Variants in TRIB2 observed in about 807,000 individuals in gnomAD.
TRIB2 encodes the protein tribbles pseudokinase 2.
A neutral mutation model predicts 26.8 loss-of-function variants in TRIB2; 2 were observed. The ratio of observed to expected loss-of-function variants is 0.07; its 90% CI spans 0.03 to 0.24. The LOEUF (loss-of-function observed/expected upper bound fraction) is 0.24. Ranked by LOEUF, TRIB2 falls within the 10% of genes least tolerant of loss-of-function variation. The pLI, the probability that TRIB2 is intolerant of heterozygous loss-of-function variation, is 1.00. For missense variants in TRIB2, 306 were observed against 449.0 expected, an observed-to-expected ratio of 0.68 and a Z score of 2.88; for synonymous variants, 189 against 187.3, an observed-to-expected ratio of 1.01 and a Z score of -0.08.
chr2:12,738,228 G>T (rs62126067), intron 2 of TRIB2, among the ~76,000 whole-genome samples: 15,120 of 152,198 alleles, frequency 0.099, 815 homozygotes, highest in African/African-American at 0.14. Context: ...GAAAGGCTAA[G>T]ACCTTCAGGC....
intron 2 of TRIB2, among the ~76,000 whole-genome samples, chr2:12,731,565 C>A (rs188729291): frequency 6.6e-6 from 1 of 152,122 alleles, no homozygotes. Flanking sequence ...GGGTTTAAAC[C>A]CGACACTTTT....
chr2:12,740,945 TG>T lies in TRIB2; in HGVS notation c.*152del. The T allele has an allele frequency of 1.4e-6, 1 of 734,876 alleles. No individual in the cohort carries two copies. The highest frequency in any genetic ancestry group is 2.7e-5 in the East Asian group (1 of 36,904). The allele number at this position is 734,876 out of a possible 1,614,324, so 45.5% of individuals were successfully genotyped here. On this transcript the variant is annotated 3_prime_UTR_variant, in exon 3 of 3. Transcript: ENST00000155926. This position sits in a 1 kb window ranked among gnomAD's most constrained non-coding sequence, Gnocchi z 5.8. ...CAGAGCAGGAAAACCTTCAAGGAGCTGACTGACCACGTAGCATGGGGGCAAG... is the reference window on the plus strand; with the variant it reads ...CAGAGCAGGAAAACCTTCAAGGAGCTACTGACCACGTAGCATGGGGGCAAG...
At position 12,716,954 on chromosome 2, in the gene TRIB2, G is replaced by A. The variant is rs1291620800; in HGVS notation, c.-1354G>A. 6.5e-6 allele frequency: 1 copy of A among 154,180 alleles called. No individual in the cohort carries two copies. The highest frequency in any genetic ancestry group is 2.4e-5 in the African/African-American group (1 of 41,108). 9.6% of individuals were successfully genotyped at this position (154,180 alleles called of 1,614,324 possible). On this transcript the variant is annotated 5_prime_UTR_variant, in exon 1 of 3. Coordinates refer to ENST00000155926, the MANE Select transcript of TRIB2 (RefSeq NM_021643.4). ...GAATGGGGAGACCGAGCGCGAGCGA[G>A]GCGCGCGCGCGCACACGCGCACTCA... is the stretch of plus-strand genomic sequence containing the variant.
At chr2:12,736,180 G>T (rs995576177) in intron 2 of TRIB2, among the ~76,000 whole-genome samples, 1 of 152,110 alleles carries the variant, frequency 6.6e-6, no homozygotes, top group African/African-American at 2.4e-5. Context: ...ATGGAAAAGG[G>T]CCTCAGATTT....
At position 12,723,254 on chromosome 2, in the gene TRIB2, T is replaced by C. The variant is rs1393907147; in HGVS notation, c.271-6T>C. The C allele has an allele frequency of 2.5e-6, 4 of 1,610,240 alleles. No homozygotes were observed. The highest frequency in any genetic ancestry group is 3.4e-6 in the Non-Finnish European group (4 of 1,179,082). On this transcript the variant is annotated splice_polypyrimidine_tract_variant and splice_region_variant and intron_variant, in intron 1 of 2. Transcript: ENST00000155926. ...GACTTTGGTCTTACTGTTAATCCTGTCGTAGGTGTTTGATATCAGCTGCTA... is the reference window on the plus strand; with the variant it reads ...GACTTTGGTCTTACTGTTAATCCTGCCGTAGGTGTTTGATATCAGCTGCTA...
At position 12,725,509 on chromosome 2, in the gene TRIB2, C is replaced by T. The variant is rs78325263; in HGVS notation, c.563+1957C>T. ...ACCTGGGCTGTGGAGGGCTTTTACT[C>T]CCACCCAGCCTTTGCTTCTCCTTTA... On this transcript the variant is annotated intron_variant, in intron 2 of 2. Transcript: ENST00000155926. Among the ~76,000 whole-genome samples, 85 of 152,322 alleles carry T rather than the reference C, an allele frequency of 5.6e-4. 2 individuals are homozygous for T. The highest frequency in any genetic ancestry group is 1.9e-3 in the African/African-American group (77 of 41,586).
chr2:12,725,422 A>G (rs1661317620), intron 2 of TRIB2, among the ~76,000 whole-genome samples: 1 of 152,232 alleles, frequency 6.6e-6, no homozygotes, highest in African/African-American at 2.4e-5. Context: ...AGAACTCCAG[A>G]GGTGAGAGCA....
chr2:12,726,804 G>A (rs557314033), intron 2 of TRIB2, among the ~76,000 whole-genome samples: 5 of 152,320 alleles, frequency 3.3e-5, no homozygotes, highest in Admixed American at 1.3e-4. Flanking sequence ...GAAAGCAATC[G>A]AAAGTGCAGG....
At chr2:12,722,730 G>GAAT (rs1269422651) in intron 1 of TRIB2, among the ~76,000 whole-genome samples, 3 of 152,168 alleles carry the variant, frequency 2.0e-5, no homozygotes, top group Non-Finnish European at 4.4e-5. Flanking sequence ...TTCCATATCT[G>GAAT]TAAAATGAAA....
In TRIB2 at chr2:12,740,338, G is replaced by A; in HGVS notation, c.576G>A (p.Lys192=). The A allele has an allele frequency of 6.2e-7, 1 of 1,613,436 alleles. No homozygotes were observed. Among genetic ancestry groups the A allele is most frequent in the Non-Finnish European group, 8.5e-7 (1 of 1,179,384 alleles). The change falls in exon 3 of 3, where the codon AAG becomes AAA. Residue 192 remains lysine, a synonymous_variant. Transcript: ENST00000155926. This position sits in a 1 kb window ranked among gnomAD's most constrained non-coding sequence, Gnocchi z 5.8. ...IFKDEERTRV[K]LESLEDAYIL... is the part of the protein sequence containing the mutation. ...TCCTTTCTTGCAGGACTCGGGTCAA[G>A]CTGGAAAGCCTGGAAGACGCCTACA...
At position 12,725,024 on chromosome 2, in the gene TRIB2, T is replaced by C. The variant is rs192132798; in HGVS notation, c.563+1472T>C. 3.5e-3 allele frequency among the ~76,000 whole-genome samples: 534 copies of C among 152,300 alleles called. 3 individuals are homozygous for C. Among genetic ancestry groups the C allele is most frequent in the African/African-American group, 0.011 (474 of 41,566 alleles). On this transcript the variant is annotated intron_variant, in intron 2 of 2. Transcript: ENST00000155926. ...ATTGAAGTGAATGTCATCATGTCCATTGTATAGACGAGAGCTCCAAAGTGC... is the reference window on the plus strand; with the variant it reads ...ATTGAAGTGAATGTCATCATGTCCACTGTATAGACGAGAGCTCCAAAGTGC...
chr2:12,729,466 G>A (rs542470191), intron 2 of TRIB2, among the ~76,000 whole-genome samples: 4 of 152,260 alleles, frequency 2.6e-5, no homozygotes, highest in South Asian at 4.2e-4. Context: ...CCCAGAAAAC[G>A]TATACATCCC....
intron 2 of TRIB2, among the ~76,000 whole-genome samples, chr2:12,728,093 A>G (rs139027449): frequency 1.3e-5 from 2 of 152,304 alleles, no homozygotes; most frequent in African/African-American, 4.8e-5. Flanking sequence ...CTGGATTCCA[A>G]TCCCTGTTCT....
At chr2:12,736,920 T>G (rs1346167619) in intron 2 of TRIB2, among the ~76,000 whole-genome samples, 1 of 152,160 alleles carries the variant, frequency 6.6e-6, no homozygotes, top group Admixed American at 6.5e-5. Context: ...TTAATAACCT[T>G]CATTCGAGCA....
At position 12,717,130 on chromosome 2, in the gene TRIB2, G is replaced by A. The variant is rs972371085; in HGVS notation, c.-1178G>A. ...AAATACACGGTCCCCTCTTTTCTCT[G>A]GGGGGGGCAAGCAAGAAATCAAAGA... On this transcript the variant is annotated 5_prime_UTR_variant, in exon 1 of 3. Transcript: ENST00000155926. The surrounding 1 kb of genome is among the most constrained non-coding windows in gnomAD (Gnocchi z 4.8). The A allele has an allele frequency of 2.8e-6, 1 of 355,552 alleles. No individual in the cohort carries two copies. The highest frequency in any genetic ancestry group is 2.2e-5 in the African/African-American group (1 of 45,728). 22.0% of individuals were successfully genotyped at this position (355,552 alleles called of 1,614,324 possible).
Position 12,718,930 on chromosome 2 carries a change from C to A in TRIB2, c.270+353C>A, listed in dbSNP as rs1406383720. On this transcript the variant is annotated intron_variant, in intron 1 of 2. Transcript: ENST00000155926. This position sits in a 1 kb window ranked among gnomAD's most constrained non-coding sequence, Gnocchi z 4.0. ...TTCCTGTGTCTAGCCCCCTCCCCTT[C>A]CAACAAGGATTAGGGAATCCCCCGG... 6.6e-6 allele frequency among the ~76,000 whole-genome samples: 1 copy of A among 152,140 alleles called. No individual in the cohort carries two copies. The highest frequency in any genetic ancestry group is 2.4e-5 in the African/African-American group (1 of 41,432).
chr2:12,722,684 G>T (rs1415609333), intron 1 of TRIB2, among the ~76,000 whole-genome samples: 1 of 152,156 alleles, frequency 6.6e-6, no homozygotes, highest in Non-Finnish European at 1.5e-5. Flanking sequence ...TCTGCCACTG[G>T]GGGCTTGAGT....
Position 12,741,002 on chromosome 2 carries a change from A to G in TRIB2, c.*208A>G. On this transcript the variant is annotated 3_prime_UTR_variant, in exon 3 of 3. Coordinates refer to ENST00000155926, the MANE Select transcript of TRIB2 (RefSeq NM_021643.4). ...TGGGATGGGGATTGGGGTGAGATGG[A>G]TGGGAGCCCGCTGGAGCTTGTCTTC... 1 of 567,978 alleles carries G rather than the reference A, an allele frequency of 1.8e-6. No individual in the cohort carries two copies. The highest frequency in any genetic ancestry group is 2.3e-5 in the South Asian group (1 of 44,296). The allele number at this position is 567,978 out of a possible 1,614,324, so 35.2% of individuals were successfully genotyped here.
At chr2:12,738,792 G>T (rs188351149) in intron 2 of TRIB2, among the ~76,000 whole-genome samples, 88 of 152,208 alleles carry the variant, frequency 5.8e-4, no homozygotes, top group African/African-American at 2.0e-3. Context: ...AAGTCACCGC[G>T]CATCCTGGCC....
Sources: gnomAD v4.1 joint callset for allele counts (sites outside exome capture counted in the v4.1 genomes callset) on GRCh38, gnomAD v4.1.1 for gene constraint, Gnocchi (gnomAD v3.1) non-coding constraint, MANE v1.5 for transcripts, NCBI Gene and HGNC (gene_info 2026-07-23, HGNC 2026-07-21) for gene names.